The following FGF14 variants were observed in gnomAD, a reference collection of about 807,000 sequenced individuals.
FGF14 encodes fibroblast growth factor 14.
In FGF14, 5 loss-of-function variants were observed where a neutral mutation model predicts 25.5. The observed-to-expected ratio is 0.20, with a 90% CI of 0.10 to 0.41. The LOEUF is 0.41. Among genes scored for constraint, FGF14 ranks in the 10% least tolerant of loss-of-function variants. FGF14 has a pLI of 1.00. For synonymous variants in FGF14, 138 were observed against 118.3 expected (o/e 1.17, Z -1.08); for missense variants, 222 against 320.1 (o/e 0.69, Z 2.34).
At chr13:101,804,439 T>A (rs1289772223) in intron 3 of FGF14, among the ~76,000 whole-genome samples, 1 of 152,148 alleles carries the variant, frequency 6.6e-6, no homozygotes, top group Non-Finnish European at 1.5e-5. Flanking sequence ...CAGACACTCC[T>A]ACACACAAGA....
chr13:101,858,746 G>A (rs1243872767), intron 3 of FGF14, among the ~76,000 whole-genome samples: 1 of 151,978 alleles, frequency 6.6e-6, no homozygotes, highest in Non-Finnish European at 1.5e-5. Context: ...CTTCTTTGAC[G>A]CTGAAAGAAA....
At chr13:102,129,805 G>A (rs1343671784) in intron 1 of FGF14, among the ~76,000 whole-genome samples, 1 of 152,004 alleles carries the variant, frequency 6.6e-6, no homozygotes, top group Non-Finnish European at 1.5e-5. Flanking sequence ...CCTGCACATT[G>A]TACACATGTA....
At chr13:102,148,569 G>A (rs908955310) in intron 1 of FGF14, among the ~76,000 whole-genome samples, 2 of 152,156 alleles carry the variant, frequency 1.3e-5, no homozygotes, top group Non-Finnish European at 2.9e-5. Flanking sequence ...AGCACTTTGG[G>A]AGGTCTAGCC....
At chr13:101,968,224 G>A (rs1417092480) in intron 1 of FGF14, among the ~76,000 whole-genome samples, 2 of 152,154 alleles carry the variant, frequency 1.3e-5, no homozygotes, top group Non-Finnish European at 2.9e-5. Context: ...AGGTGAAATT[G>A]TTATGTAATG....
intron 1 of FGF14, among the ~76,000 whole-genome samples, chr13:102,131,436 C>T (rs907123412): frequency 3.9e-5 from 6 of 152,108 alleles, no homozygotes; most frequent in Non-Finnish European, 7.3e-5. Flanking sequence ...TTCCTTCCTG[C>T]TTAAGATGAG....
intron 1 of FGF14, among the ~76,000 whole-genome samples, chr13:102,235,045 G>T (rs989217443): frequency 1.2e-4 from 18 of 152,164 alleles, no homozygotes; most frequent in African/African-American, 4.3e-4. Flanking sequence ...AGATTATTTT[G>T]TCTGGCCAAA....
intron 1 of FGF14, among the ~76,000 whole-genome samples, chr13:102,170,111 G>A (rs1478731696): frequency 2.0e-5 from 3 of 152,024 alleles, no homozygotes; most frequent in African/African-American, 7.2e-5. Flanking sequence ...GTAAGGCCTG[G>A]CTTTCCATCC....
At chr13:102,122,248 A>G (rs2045758583) in intron 1 of FGF14, among the ~76,000 whole-genome samples, 1 of 152,216 alleles carries the variant, frequency 6.6e-6, no homozygotes, top group Non-Finnish European at 1.5e-5. Flanking sequence ...TTTTATACTC[A>G]GCCCACATAT....
intron 1 of FGF14, among the ~76,000 whole-genome samples, chr13:102,114,733 A>G (rs1180559335): frequency 6.6e-6 from 1 of 152,180 alleles, no homozygotes; most frequent in African/African-American, 2.4e-5. Context: ...AGTCATGGAA[A>G]TACAAACACT....
At chr13:102,101,914 G>A (rs1257157828) in intron 1 of FGF14, among the ~76,000 whole-genome samples, 1 of 152,066 alleles carries the variant, frequency 6.6e-6, no homozygotes, top group Non-Finnish European at 1.5e-5. Flanking sequence ...TGTTGGCCGG[G>A]CTGGTCTTGA....
intron 3 of FGF14, among the ~76,000 whole-genome samples, chr13:101,781,142 C>G (rs78645493): frequency 3.7e-5 from 2 of 53,766 alleles, no homozygotes; most frequent in Non-Finnish European, 7.7e-5. Flanking sequence ...CTTTGTCTCT[C>G]TCTCTCTCTC....
intron 1 of FGF14, among the ~76,000 whole-genome samples, chr13:101,900,116 C>T (rs182278076): frequency 1.3e-5 from 2 of 152,060 alleles, no homozygotes; most frequent in African/African-American, 2.4e-5. Context: ...AAAGAAATCA[C>T]AGAATAAGAA....
At chr13:102,389,705 G>A (rs2058386980) in intron 1 of FGF14, among the ~76,000 whole-genome samples, 1 of 152,152 alleles carries the variant, frequency 6.6e-6, no homozygotes, top group Non-Finnish European at 1.5e-5. Context: ...GGAATTTCCT[G>A]ATATGGCTGC....
chr13:102,000,473 T>C (rs773624712), intron 1 of FGF14, among the ~76,000 whole-genome samples: 2 of 152,234 alleles, frequency 1.3e-5, no homozygotes, highest in Non-Finnish European at 2.9e-5. Flanking sequence ...AAAATATTAA[T>C]GACCATTAAC....
intron 3 of FGF14, among the ~76,000 whole-genome samples, chr13:101,762,383 A>C (rs556120413): frequency 2.0e-5 from 3 of 152,222 alleles, no homozygotes; most frequent in Middle Eastern, 3.2e-3. Context: ...TTAAGATTCT[A>C]AACAAGAAAC....
At chr13:101,954,829 G>A (rs1274642353) in intron 1 of FGF14, among the ~76,000 whole-genome samples, 1 of 152,254 alleles carries the variant, frequency 6.6e-6, no homozygotes, top group Admixed American at 6.5e-5. Flanking sequence ...GAGACTGAAG[G>A]AAATCAGTAT....
intron 1 of FGF14, among the ~76,000 whole-genome samples, chr13:101,959,778 C>G (rs1429119841): frequency 6.6e-6 from 1 of 152,196 alleles, no homozygotes; most frequent in Admixed American, 6.5e-5. Flanking sequence ...TTCTTCTTTA[C>G]TTCTTCACTC....
At chr13:101,734,469 G>T (rs2036036686) in intron 3 of FGF14, among the ~76,000 whole-genome samples, 1 of 152,150 alleles carries the variant, frequency 6.6e-6, no homozygotes, top group Non-Finnish European at 1.5e-5. Flanking sequence ...ATATAGACAT[G>T]TATAAACTCC....
chr13:101,827,957 T>C (rs1294003047), intron 3 of FGF14, among the ~76,000 whole-genome samples: 1 of 150,080 alleles, frequency 6.7e-6, no homozygotes, highest in Non-Finnish European at 1.5e-5. Context: ...AAAAGTGTGG[T>C]ATACTGGTAT....
Sources: gnomAD v4.1 joint callset for allele counts (sites outside exome capture counted in the v4.1 genomes callset) on GRCh38, gnomAD v4.1.1 for gene constraint, MANE v1.5 for transcripts, NCBI Gene and HGNC (gene_info 2026-07-23, HGNC 2026-07-21) for gene names.